Variants in CEP128 observed in about 807,000 individuals in gnomAD.
CEP128 encodes centrosomal protein 128kDa.
In CEP128, 132 loss-of-function variants were observed where a neutral mutation model predicts 156.7. The ratio of observed to expected loss-of-function variants is 0.84; its 90% CI spans 0.73 to 0.97. The LOEUF is 0.97. Among genes scored for constraint, CEP128 ranks in the 50% least tolerant of loss-of-function variants. The pLI is 0.00. For synonymous variants in CEP128, 469 were observed against 448.9 expected (o/e 1.04, Z -0.57); for missense variants, 1,252 against 1,281.9 (o/e 0.98, Z 0.36).
intron 2 of CEP128, among the ~76,000 whole-genome samples, chr14:80,952,436 A>G (rs1363441230): frequency 6.6e-6 from 1 of 152,180 alleles, no homozygotes; most frequent in Non-Finnish European, 1.5e-5. Context: ...AGAAAAACTA[A>G]AAAGTATTTT....
intron 19 of CEP128, among the ~76,000 whole-genome samples, chr14:80,684,666 A>G (rs943062834): frequency 1.1e-4 from 17 of 151,762 alleles, no homozygotes; most frequent in Non-Finnish European, 2.2e-4. Context: ...CTGCAAGTCA[A>G]TATCTCTGAG....
chr14:80,595,144 T>C (rs566784522), intron 19 of CEP128, among the ~76,000 whole-genome samples: 3 of 152,168 alleles, frequency 2.0e-5, no homozygotes, highest in Non-Finnish European at 4.4e-5. Flanking sequence ...TATGCAGCCA[T>C]AAAAAGGATG....
intron 19 of CEP128, among the ~76,000 whole-genome samples, chr14:80,652,846 C>T (rs1471211271): frequency 6.6e-6 from 1 of 152,136 alleles, no homozygotes; most frequent in Non-Finnish European, 1.5e-5. Flanking sequence ...TGGGTATAAA[C>T]CCAAAGGATT....
intron 13 of CEP128, 35 bp downstream of exon 13, chr14:80,831,108 A>G: frequency 6.3e-7 from 1 of 1,592,580 alleles, no homozygotes; most frequent in Non-Finnish European, 8.6e-7. Flanking sequence ...TAAAATTAAA[A>G]TATTTCGAAT....
intron 19 of CEP128, among the ~76,000 whole-genome samples, chr14:80,713,568 T>C (rs1481221722): frequency 6.6e-6 from 1 of 152,136 alleles, no homozygotes; most frequent in Non-Finnish European, 1.5e-5. Flanking sequence ...CATTAATATA[T>C]ACAGCAACAC....
chr14:80,614,340 T>C (rs937930749), intron 19 of CEP128, among the ~76,000 whole-genome samples: 1 of 152,218 alleles, frequency 6.6e-6, no homozygotes, highest in Non-Finnish European at 1.5e-5. Flanking sequence ...CAGCATTTGA[T>C]ACTGCTGACT....
At chr14:80,537,997 A>G (rs1889564236) in intron 21 of CEP128, among the ~76,000 whole-genome samples, 1 of 152,190 alleles carries the variant, frequency 6.6e-6, no homozygotes, top group Non-Finnish European at 1.5e-5. Context: ...GGGGATCAAT[A>G]TTAATGGTCT....
intron 22 of CEP128, among the ~76,000 whole-genome samples, chr14:80,528,475 A>G (rs1436737194): frequency 6.6e-6 from 1 of 152,142 alleles, no homozygotes; most frequent in African/African-American, 2.4e-5. Context: ...TTTAGTAGAG[A>G]CGGGCTTTCA....
chr14:80,575,501 A>G (rs1891317142), intron 20 of CEP128, among the ~76,000 whole-genome samples: 1 of 152,168 alleles, frequency 6.6e-6, no homozygotes, highest in South Asian at 2.1e-4. Flanking sequence ...AGAGTTGACC[A>G]TGGCAGGGGG....
chr14:80,923,256 G>A (rs1884973559), intron 2 of CEP128, among the ~76,000 whole-genome samples: 1 of 152,134 alleles, frequency 6.6e-6, no homozygotes, highest in Non-Finnish European at 1.5e-5. Flanking sequence ...CTCCCACTGA[G>A]GATCTATCCA....
chr14:80,674,809 G>A (rs947836819), intron 19 of CEP128, among the ~76,000 whole-genome samples: 1 of 151,976 alleles, frequency 6.6e-6, no homozygotes, highest in Non-Finnish European at 1.5e-5. Flanking sequence ...AGTTACAAAT[G>A]GCTTAACCAC....
intron 9 of CEP128, among the ~76,000 whole-genome samples, chr14:80,856,364 G>A (rs1185782760): frequency 2.6e-5 from 4 of 152,086 alleles, no homozygotes; most frequent in Non-Finnish European, 5.9e-5. Flanking sequence ...CTCTGAAGAC[G>A]GCCAGGCATG....
intron 9 of CEP128, among the ~76,000 whole-genome samples, chr14:80,842,209 A>G (rs1450207004): frequency 6.6e-6 from 1 of 152,066 alleles, no homozygotes; most frequent in Non-Finnish European, 1.5e-5. Flanking sequence ...TACTGTAAGT[A>G]TATGTAAGTC....
intron 8 of CEP128, among the ~76,000 whole-genome samples, chr14:80,872,504 T>C (rs1888077919): frequency 6.6e-6 from 1 of 152,182 alleles, no homozygotes; most frequent in Non-Finnish European, 1.5e-5. Context: ...AAATGCATGA[T>C]AAACAACTGT....
intron 1 of CEP128, among the ~76,000 whole-genome samples, chr14:80,941,212 G>A (rs1886134360): frequency 6.6e-6 from 1 of 152,194 alleles, no homozygotes; most frequent in African/African-American, 2.4e-5. Context: ...TTGCAGGACA[G>A]GCAAGCAAAT....
At chr14:80,600,998 T>C (rs1475386886) in intron 19 of CEP128, among the ~76,000 whole-genome samples, 1 of 151,778 alleles carries the variant, frequency 6.6e-6, no homozygotes, top group Admixed American at 6.6e-5. Flanking sequence ...AGATGATATA[T>C]GAAGAAGATT....
At chr14:80,513,278 AT>A (rs1316909961) in intron 23 of CEP128, among the ~76,000 whole-genome samples, 1 of 152,158 alleles carries the variant, frequency 6.6e-6, no homozygotes, top group East Asian at 1.9e-4. Flanking sequence ...TCCTTCAGCA[AT>A]TTAAATATGT....
chr14:80,550,948 G>T (rs571215465), intron 21 of CEP128, among the ~76,000 whole-genome samples: 1 of 152,026 alleles, frequency 6.6e-6, no homozygotes, highest in South Asian at 2.1e-4. Flanking sequence ...ATAAGACAGG[G>T]TTTCATTTCA....
intron 18 of CEP128, among the ~76,000 whole-genome samples, 158 bp downstream of exon 18, chr14:80,756,734 T>C (rs143105714): frequency 1.4e-3 from 209 of 152,256 alleles, no homozygotes; most frequent in African/African-American, 4.9e-3. Context: ...ATAAGAAACA[T>C]GGAGATTCCC....
Sources: allele counts gnomAD v4.1 joint callset (sites outside exome capture counted in the v4.1 genomes callset), GRCh38; gene constraint gnomAD v4.1.1; transcripts MANE v1.5; gene names NCBI Gene and HGNC (gene_info 2026-07-23, HGNC 2026-07-21).